The following NDUFS2 variants were observed in gnomAD, a reference collection of about 807,000 sequenced individuals.
NDUFS2 encodes NADH dehydrogenase [ubiquinone] iron-sulfur protein 2, mitochondrial.
In NDUFS2, 38 loss-of-function variants were observed where a neutral mutation model predicts 69.6. The observed-to-expected ratio is 0.55, with a 90% CI of 0.42 to 0.72. The LOEUF is 0.72. NDUFS2 is among the 30% of genes least tolerant of loss of function. The pLI, the probability that NDUFS2 is intolerant of heterozygous loss-of-function variation, is 0.00. For synonymous variants in NDUFS2, 194 were observed against 211.2 expected, an observed-to-expected ratio of 0.92 and a Z score of 0.70; for missense variants, 468 against 595.0, an observed-to-expected ratio of 0.79 and a Z score of 2.22.
chr1:161,198,396 G>A (rs754215648), upstream of NDUFS2: 2 of 1,609,700 alleles, frequency 1.2e-6, no homozygotes, highest in African/African-American at 2.7e-5. The surrounding 1 kb of genome is among the most constrained non-coding windows in gnomAD (Gnocchi z 4.7). Flanking sequence ...AGCCTGGCAG[G>A]GGCGCCCGAG....
At chr1:161,212,601 C>G in intron 10 of NDUFS2, 121 bp downstream of exon 10, 1 of 1,332,512 alleles carries the variant, frequency 7.5e-7, no homozygotes, top group Non-Finnish European at 1.0e-6. Context: ...GAGTTTTACT[C>G]TTATTGCCCA....
upstream of NDUFS2, among the ~76,000 whole-genome samples, chr1:161,201,009 T>C (rs1309049085): frequency 1.3e-5 from 2 of 152,132 alleles, no homozygotes; most frequent in Non-Finnish European, 2.9e-5. Context: ...CCAGGCTGGA[T>C]CAAGGCAAAT....
chr1:161,203,468 T>C lies in NDUFS2; in HGVS notation c.127T>C (p.Trp43Arg), dbSNP rs1665274877. Residue 43 changes from tryptophan (W) to arginine (R), a missense_variant, in exon 2 of 14, where the codon TGG becomes CGG. By Grantham distance (101) the Trp-to-Arg change is moderately radical. Transcript: ENST00000676972. ...GVRQWQPDVE[W>R]AQQFGGAVMY... is the part of the protein sequence containing the mutation. ...TCGGCAGTGGCAGCCAGATGTGGAATGGGCACAGCAGTTTGGGGGAGCTGT... is the reference window on the plus strand; with the variant it reads ...TCGGCAGTGGCAGCCAGATGTGGAACGGGCACAGCAGTTTGGGGGAGCTGT... The C allele has an allele frequency of 6.2e-7, 1 of 1,614,006 alleles. No homozygotes were observed. The highest frequency in any genetic ancestry group is 1.3e-5 in the African/African-American group (1 of 74,900).
At chr1:161,202,793 G>A (rs929814765) in intron 1 of NDUFS2, among the ~76,000 whole-genome samples, 2 of 152,190 alleles carry the variant, frequency 1.3e-5, no homozygotes, top group Non-Finnish European at 2.9e-5. Context: ...TCTCTCTGTC[G>A]TTGACCTTGA....
chr1:161,198,067 G>A (rs774439066), upstream of NDUFS2: 7 of 1,610,492 alleles, frequency 4.3e-6, no homozygotes, highest in African/African-American at 1.3e-5. This position sits in a 1 kb window ranked among gnomAD's most constrained non-coding sequence, Gnocchi z 4.7. Context: ...CTTGACCGCT[G>A]GCAGGACTCT....
upstream of NDUFS2, chr1:161,202,122 G>A: frequency 3.6e-6 from 2 of 550,236 alleles, no homozygotes; most frequent in Non-Finnish European, 6.6e-6. Context: ...CGCAGGAACG[G>A]CAATTTTCCC....
At chr1:161,201,951 C>G, upstream of NDUFS2, 1 of 221,152 alleles carries the variant, frequency 4.5e-6, no homozygotes, top group Non-Finnish European at 9.4e-6. Flanking sequence ...AAGTAATTGG[C>G]AAAGCCTGGG....
chr1:161,198,565 T>C (rs1277341157), upstream of NDUFS2: 2 of 1,558,048 alleles, frequency 1.3e-6, no homozygotes, highest in Non-Finnish European at 1.7e-6. The surrounding 1 kb of genome is among the most constrained non-coding windows in gnomAD (Gnocchi z 4.7). Flanking sequence ...GGAGGCAGGG[T>C]TGGGCTCCCC....
intron 9 of NDUFS2, 142 bp downstream of exon 9, chr1:161,210,852 CTT>C: frequency 3.2e-6 from 4 of 1,259,316 alleles, no homozygotes; most frequent in Non-Finnish European, 4.5e-6. Context: ...TCTCAAAACA[CTT>C]TCACATATAT....
At chr1:161,202,258 A>G, upstream of NDUFS2, 1 of 880,542 alleles carries the variant, frequency 1.1e-6, no homozygotes, top group African/African-American at 1.7e-5. Context: ...TGTCAGTTCG[A>G]CGGTAAACGA....
rs1242099726 is a variant in NDUFS2 at position 161,203,749 on chromosome 1, AC to A, written c.202+208del. ...AAAGCCGCAACAACAGGCCTGTGCCACCACAACTGGCTAATTTTGAAAATTT... is the reference window on the plus strand; with the variant it reads ...AAAGCCGCAACAACAGGCCTGTGCCACACAACTGGCTAATTTTGAAAATTT... On this transcript the variant is annotated intron_variant, in intron 2 of 13. Transcript: ENST00000676972. 13 of 599,810 alleles carry A rather than the reference AC, an allele frequency of 2.2e-5. No individual in the cohort carries two copies. The African/African-American group carries it at 2.4e-4, about 11-fold the overall frequency. The allele number at this position is 599,810 out of a possible 1,614,324, so 37.2% of individuals were successfully genotyped here. A position where few individuals can be genotyped will look rare whatever the true frequency, so the allele number is the denominator to read the frequency against.
chr1:161,201,086 G>A (rs150203850), upstream of NDUFS2, among the ~76,000 whole-genome samples: 13 of 152,300 alleles, frequency 8.5e-5, no homozygotes, highest in East Asian at 2.5e-3. Context: ...TAGAAAGAAG[G>A]CCCAGGGAAA....
At chr1:161,207,550 T>TTGAGACCA (rs1267631014) in intron 3 of NDUFS2, among the ~76,000 whole-genome samples, 1 of 151,956 alleles carries the variant, frequency 6.6e-6, no homozygotes, top group Admixed American at 6.6e-5. Context: ...GGTCAGGAGT[T>TTGAGACCA]TGAGACCAGC....
chr1:161,202,586 T>C, intron 1 of NDUFS2, 106 bp downstream of exon 1: 1 of 1,175,968 alleles, frequency 8.5e-7, no homozygotes, highest in Non-Finnish European at 1.2e-6. Context: ...TGTGACCCCA[T>C]TGTCCATCCC....
intron 3 of NDUFS2, among the ~76,000 whole-genome samples, chr1:161,207,876 G>T (rs1181415677): frequency 6.7e-6 from 1 of 148,738 alleles, no homozygotes; most frequent in Non-Finnish European, 1.5e-5. Flanking sequence ...GCAGTGGCGT[G>T]ATCTTGGCTC....
At chr1:161,202,299 T>C, upstream of NDUFS2, 1 of 1,342,482 alleles carries the variant, frequency 7.4e-7, no homozygotes. Context: ...GCGGCTTCAC[T>C]GTGCGAATAG....
At chr1:161,212,272 GT>G in intron 9 of NDUFS2, 78 bp from the exon 10 acceptor site, 2 of 1,584,958 alleles carry the variant, frequency 1.3e-6, no homozygotes, top group South Asian at 2.2e-5. Flanking sequence ...CCCTTTTGAG[GT>G]TGGCCAAAGG....
chr1:161,198,707 C>T (rs1016548782), upstream of NDUFS2: 2 of 1,323,264 alleles, frequency 1.5e-6, no homozygotes, highest in Non-Finnish European at 2.0e-6. This position sits in a 1 kb window ranked among gnomAD's most constrained non-coding sequence, Gnocchi z 4.7. Flanking sequence ...GAAAGCTCCT[C>T]TCTGTAGCCT....
Position 161,209,504 on chromosome 1 carries a change from G to A in NDUFS2, c.536G>A (p.Arg179His), listed in dbSNP as rs1665654027. 8 of 1,613,638 alleles carry A rather than the reference G, an allele frequency of 5.0e-6. No homozygotes were observed. The highest frequency in any genetic ancestry group is 2.2e-5 in the South Asian group (2 of 91,066). ...WIRVLFGEIT[R>H]LLNHIMAVTT... is the part of the protein sequence containing the mutation. ...ACAGTGCTGTTTGGAGAAATCACAC[G>A]TTTGTTGAACCACATCATGGCTGTG... Residue 179 changes from arginine to histidine, a missense_variant, in exon 5 of 14, where the codon CGT (arginine) becomes CAT (histidine). This residue lies in a region of NDUFS2 where 339 missense variants were observed against 433.8 expected (regional missense o/e 0.78). Transcript: ENST00000676972.
Sources: gnomAD v4.1 joint callset for allele counts (sites outside exome capture counted in the v4.1 genomes callset) on GRCh38, gnomAD v4.1.1 for gene constraint, gnomAD v4.1.1 regional missense constraint, Gnocchi (gnomAD v3.1) non-coding constraint, MANE v1.5 for transcripts, NCBI Gene and HGNC (gene_info 2026-07-23, HGNC 2026-07-21) for gene names.